ABCC1: variants seen among roughly 807,000 people sequenced by gnomAD.
ABCC1 encodes multidrug resistance-associated protein 1.
In ABCC1, 83 loss-of-function variants were observed where a neutral mutation model predicts 172.9. The ratio of observed to expected loss-of-function variants is 0.48; its 90% confidence interval spans 0.40 to 0.58. The LOEUF is 0.58. Ranked by LOEUF, ABCC1 falls within the 20% of genes least tolerant of loss-of-function variation. The pLI is 0.00. For synonymous variants in ABCC1, 937 were observed against 825.2 expected (o/e 1.14, Z -2.32); for missense variants, 1,817 against 2,002.7 (o/e 0.91, Z 1.77).
intron 13 of ABCC1, 125 bp from the exon 14 acceptor site, chr16:16,071,517 C>A (rs1026467791): frequency 4.5e-6 from 3 of 673,568 alleles, no homozygotes; most frequent in Non-Finnish European, 7.8e-6. Flanking sequence ...AAATGTGGGA[C>A]CTTCAGAAAT....
chr16:16,083,822 G>GC (rs1242484060), intron 17 of ABCC1, among the ~76,000 whole-genome samples: 1 of 152,094 alleles, frequency 6.6e-6, no homozygotes, highest in African/African-American at 2.4e-5. Flanking sequence ...CCCAAGATAG[G>GC]CCCCCCAGAA....
Position 16,134,432 on chromosome 16 carries a change from A to G in ABCC1, c.4049A>G (p.Glu1350Gly). 6.2e-7 allele frequency: 1 copy of G among 1,614,104 alleles called. No individual in the cohort carries two copies. Among genetic ancestry groups the G allele is most frequent in the Non-Finnish European group, 8.5e-7 (1 of 1,180,016 alleles). ...CGGATCAACGAGTCTGCCGAAGGAG[A>G]GATCATCATCGATGGCATCAACATC... ...LFRINESAEG[E>G]IIIDGINIAK... The change falls in exon 28 of 31, where the codon GAG (glutamate) becomes GGG (glycine). Residue 1350 changes from glutamate (E) to glycine (G), a missense_variant. Around this residue, in one of 3 missense-constraint regions of ABCC1, gnomAD observed 1,412 missense variants for 1,600.3 expected, o/e 0.88. Coordinates refer to ENST00000399410, the MANE Select transcript of ABCC1 (RefSeq NM_004996.4).
chr16:16,077,563 C>T (rs1022480376), intron 15 of ABCC1, among the ~76,000 whole-genome samples: 1 of 152,076 alleles, frequency 6.6e-6, no homozygotes, highest in Non-Finnish European at 1.5e-5. Flanking sequence ...TACTGTCTCA[C>T]GTGGACAGTG....
chr16:16,076,667 G>A (rs1279960459), intron 15 of ABCC1, among the ~76,000 whole-genome samples: 1 of 152,218 alleles, frequency 6.6e-6, no homozygotes, highest in Non-Finnish European at 1.5e-5. Context: ...AGACAATACA[G>A]GAGATTCTTG....
intron 26 of ABCC1, among the ~76,000 whole-genome samples, chr16:16,131,166 T>C (rs1211795971): frequency 6.6e-6 from 1 of 152,110 alleles, no homozygotes; most frequent in African/African-American, 2.4e-5. Flanking sequence ...TACAATTATT[T>C]TAAAAGAATG....
rs1223519236 is a variant in ABCC1, at chr16:16,141,121, C to G, written c.4488-52C>G. On this transcript the variant is annotated intron_variant, in intron 30 of 30. Coordinates refer to ENST00000399410, the MANE Select transcript of ABCC1 (RefSeq NM_004996.4). Reference sequence around the variant, plus strand: ...GCCCAGGTCAGTTGTCCCAGGGGCACGAGGTGCTCACCCCTCCCCTTCCCC... The same window carrying G: ...GCCCAGGTCAGTTGTCCCAGGGGCAGGAGGTGCTCACCCCTCCCCTTCCCC... 5 of 1,524,056 alleles carry G rather than the reference C, an allele frequency of 3.3e-6. No individual in the cohort carries two copies. The South Asian group carries it at 5.6e-5, about 17-fold the overall frequency. The allele number at this position is 1,524,056 out of a possible 1,614,324, so 94.4% of individuals were successfully genotyped here.
At chr16:16,111,129 C>T (rs1233925753) in intron 21 of ABCC1, among the ~76,000 whole-genome samples, 2 of 152,196 alleles carry the variant, frequency 1.3e-5, no homozygotes, top group South Asian at 2.1e-4. Flanking sequence ...GAAGTCTCTA[C>T]CTCAGTTGAT....
chr16:15,970,920 C>T (rs1431185736), intron 1 of ABCC1, among the ~76,000 whole-genome samples: 1 of 152,194 alleles, frequency 6.6e-6, no homozygotes, highest in Non-Finnish European at 1.5e-5. Flanking sequence ...AAAGACAACT[C>T]CTTCTCAAGT....
chr16:15,967,599 ATT>A (rs1555472959), intron 1 of ABCC1, among the ~76,000 whole-genome samples: 2 of 147,960 alleles, frequency 1.4e-5, no homozygotes, highest in Non-Finnish European at 1.5e-5. Flanking sequence ...AATAATAATT[ATT>A]ATTATTATTA....
At chr16:16,121,916 C>T in intron 23 of ABCC1, 59 bp from the exon 24 acceptor site, 1 of 1,578,284 alleles carries the variant, frequency 6.3e-7, no homozygotes, top group Non-Finnish European at 8.7e-7. Flanking sequence ...ACAGCCCTGC[C>T]CTGGGAGGAT....
intron 3 of ABCC1, 130 bp downstream of exon 3, chr16:16,010,031 T>C: frequency 4.7e-6 from 2 of 421,370 alleles, no homozygotes; most frequent in South Asian, 7.0e-5. Context: ...ATAAATTAAA[T>C]GTAGCCTTTT....
At chr16:16,112,607 G>C (rs1240712178) in intron 22 of ABCC1, among the ~76,000 whole-genome samples, 1 of 152,208 alleles carries the variant, frequency 6.6e-6, no homozygotes, top group African/African-American at 2.4e-5. Flanking sequence ...GAGAGGTTGA[G>C]TCAGTTGCCA....
intron 13 of ABCC1, among the ~76,000 whole-genome samples, chr16:16,070,507 A>G (rs1050618673): frequency 6.6e-6 from 1 of 152,050 alleles, no homozygotes; most frequent in African/African-American, 2.4e-5. Context: ...TGCTAAAAAT[A>G]TAAAAAAATT....
chr16:15,957,246 AT>A (rs1157024430), intron 1 of ABCC1, among the ~76,000 whole-genome samples: 6,031 of 131,094 alleles, frequency 0.046, 378 homozygotes, highest in African/African-American at 0.16. Flanking sequence ...TGCCCAGCTA[AT>A]TTTTTTTTTT....
At chr16:16,014,861 CA>C (rs2047936765) in intron 4 of ABCC1, among the ~76,000 whole-genome samples, 1 of 152,210 alleles carries the variant, frequency 6.6e-6, no homozygotes, top group Admixed American at 6.5e-5. Flanking sequence ...TGTGTTGCTC[CA>C]AGGGGCTCCC....
At position 16,003,567 on chromosome 16, in the gene ABCC1, A is replaced by T. The variant is rs570708619; in HGVS notation, c.49-4249A>T. Among the ~76,000 whole-genome samples, 412 of 136,106 alleles carry T rather than the reference A, an allele frequency of 3.0e-3. 4 individuals carry two copies. The highest frequency in any genetic ancestry group is 0.01 in the Middle Eastern group (2 of 192). 89.3% of individuals were successfully genotyped at this position (136,106 alleles called of 152,430 possible). A position where few individuals can be genotyped will look rare whatever the true frequency, so the allele number is the denominator to read the frequency against. On this transcript the variant is annotated intron_variant, in intron 1 of 30. Transcript: ENST00000399410. The stretch of plus-strand genomic sequence containing the variant: ...GATGGATGGATGGATGGGTGAATGA[A>T]TTGGTAGGTGGGTAGGGTGGATGGG...
At chr16:16,019,474 T>C (rs1469557996) in intron 5 of ABCC1, among the ~76,000 whole-genome samples, 2 of 152,150 alleles carry the variant, frequency 1.3e-5, no homozygotes, top group East Asian at 1.9e-4. Flanking sequence ...AGACCTTGGA[T>C]TGCTCAGGGT....
chr16:15,968,973 C>T (rs928810535), intron 1 of ABCC1, among the ~76,000 whole-genome samples: 10 of 151,864 alleles, frequency 6.6e-5, no homozygotes, highest in African/African-American at 1.5e-4. Context: ...GTTGAGAGGC[C>T]GAGGTGGGCA....
intron 6 of ABCC1, among the ~76,000 whole-genome samples, chr16:16,035,907 G>A (rs1050705427): frequency 1.3e-5 from 2 of 151,434 alleles, no homozygotes. Context: ...TGAGCCCGGG[G>A]GTTCAAGACC....
Sources: gnomAD v4.1 joint callset for allele counts (sites outside exome capture counted in the v4.1 genomes callset) on GRCh38, gnomAD v4.1.1 for gene constraint, gnomAD v4.1.1 regional missense constraint, MANE v1.5 for transcripts, NCBI Gene and HGNC (gene_info 2026-07-23, HGNC 2026-07-21) for gene names.